ATP1A4: variants seen among roughly 807,000 people sequenced by gnomAD.
The protein encoded by ATP1A4 is sodium/potassium-transporting ATPase subunit alpha-4.
ATP1A4 carries 90 observed loss-of-function variants against 114.3 expected under a neutral mutation model. The ratio of observed to expected loss-of-function variants is 0.79; its 90% CI spans 0.66 to 0.94. The LOEUF (loss-of-function observed/expected upper bound fraction) is 0.94. ATP1A4 is among the 40% of genes least tolerant of loss of function. The pLI, the probability that ATP1A4 is intolerant of heterozygous loss-of-function variation, is 0.00. For synonymous variants in ATP1A4, 511 were observed against 494.1 expected (o/e 1.03, Z -0.45); for missense variants, 1,222 against 1,313.6 (o/e 0.93, Z 1.08).
intron 20 of ATP1A4, among the ~76,000 whole-genome samples, chr1:160,185,670 C>G (rs1317766251): frequency 6.6e-6 from 1 of 151,754 alleles, no homozygotes; most frequent in African/African-American, 2.4e-5. Flanking sequence ...CTTATAATCC[C>G]AGCACTCTGG....
At chr1:160,177,944 C>T (rs1653540326) in intron 18 of ATP1A4, among the ~76,000 whole-genome samples, 1 of 152,214 alleles carries the variant, frequency 6.6e-6, no homozygotes, top group Non-Finnish European at 1.5e-5. Flanking sequence ...GAGTCTTTGT[C>T]ATATCAACTT....
At chr1:160,178,853 G>A (rs1030776028) in intron 18 of ATP1A4, among the ~76,000 whole-genome samples, 3 of 152,172 alleles carry the variant, frequency 2.0e-5, no homozygotes, top group Non-Finnish European at 4.4e-5. Flanking sequence ...ATTTTAGTAG[G>A]TATGCTTTTT....
rs760916457 is a variant in ATP1A4 at position 160,164,234 on chromosome 1, C to T, written c.857C>T (p.Ala286Val). 6.2e-6 allele frequency: 10 copies of T among 1,614,090 alleles called. No individual in the cohort carries two copies. The highest frequency in any genetic ancestry group is 5.3e-5 in the African/African-American group (4 of 74,930). Residue 286 changes from alanine to valine, a missense_variant, in exon 7 of 22, where the codon GCG becomes GTG. Coordinates refer to ENST00000368081, the MANE Select transcript of ATP1A4 (RefSeq NM_144699.4). ...ATTGCCTCCCTGACGTCAGGCCTGG[C>T]GGTTGGCCAGACACCTATCGCTGCT... The part of the protein sequence containing the change: ...GRIASLTSGL[A>V]VGQTPIAAEI...
At chr1:160,184,190 A>G (rs61803840) in intron 20 of ATP1A4, among the ~76,000 whole-genome samples, 39,895 of 151,844 alleles carry the variant, frequency 0.26, 5,671 homozygotes, top group South Asian at 0.35. Context: ...TGACCTTGTG[A>G]TCCGCCTGCC....
rs1230199067 is a variant in ATP1A4, at chr1:160,171,887, G to A, written c.1854+130G>A. The A allele has an allele frequency of 6.5e-6, 6 of 921,970 alleles. No homozygotes were observed. The Admixed American group carries it at 1.9e-4, about 28-fold the overall frequency. 57.1% of individuals were successfully genotyped at this position (921,970 alleles called of 1,614,324 possible). ...CGGATTTCTGTTTCCTTGGGCTTAT[G>A]ATTTTTAATTAATAGTAAGTTTCCT... On this transcript the variant is annotated intron_variant, in intron 12 of 21. Transcript: ENST00000368081.
chr1:160,168,377 CTTTT>C lies in ATP1A4; in HGVS notation c.1491+984_1491+987del, dbSNP rs11397218. Reference sequence around the variant, plus strand: ...ATGAGACTCCCAAGTCTGCTGGTATCTTTTTTTTTTTTTTTTTTTTTTGAGAAGG... The same window carrying C: ...ATGAGACTCCCAAGTCTGCTGGTATCTTTTTTTTTTTTTTTTTTGAGAAGG... On this transcript the variant is annotated intron_variant, in intron 10 of 21. Transcript: ENST00000368081. Among the ~76,000 whole-genome samples, 40 of 97,056 alleles carry C rather than the reference CTTTT, an allele frequency of 4.1e-4. 1 individual carries two copies. The highest frequency in any genetic ancestry group is 1.6e-3 in the African/African-American group (39 of 25,110). 63.7% of individuals were successfully genotyped at this position (97,056 alleles called of 152,430 possible). A position where few individuals can be genotyped will look rare whatever the true frequency, so the allele number is the denominator to read the frequency against.
chr1:160,162,367 G>A (rs1170087376), intron 6 of ATP1A4, among the ~76,000 whole-genome samples: 1 of 152,282 alleles, frequency 6.6e-6, no homozygotes, highest in East Asian at 1.9e-4. Flanking sequence ...AGCCAAACAT[G>A]ATGTCCAAGC....
At chr1:160,175,331 C>T (rs182924223) in intron 15 of ATP1A4, among the ~76,000 whole-genome samples, 95 of 152,224 alleles carry the variant, frequency 6.2e-4, no homozygotes, top group Non-Finnish European at 1.3e-3. Flanking sequence ...TATGGCAATC[C>T]ACATCATAAT....
chr1:160,178,889 A>G (rs1175222760), intron 18 of ATP1A4, among the ~76,000 whole-genome samples: 2 of 152,194 alleles, frequency 1.3e-5, no homozygotes, highest in African/African-American at 4.8e-5. Flanking sequence ...TCCTGTCCCA[A>G]TTTCTAAGAC....
chr1:160,176,838 C>T (rs1246561774), intron 17 of ATP1A4, among the ~76,000 whole-genome samples: 1 of 152,144 alleles, frequency 6.6e-6, no homozygotes, highest in East Asian at 1.9e-4. Flanking sequence ...TGAGTATAGA[C>T]AGAACATACT....
In ATP1A4 at chr1:160,174,253, CAG is replaced by C. The variant is rs1653370138; in HGVS notation, c.2137_2138del (p.Arg713AlafsTer10). The part of the protein sequence containing the change: ...QQKLIIVEGC[Q>X]RLGAVVAVTG... Reference sequence around the variant, plus strand: ...GAAGCTCATCATTGTCGAGGGATGTCAGAGGCTGGTAAGGAACGAAAAGGAGC... The same window carrying C: ...GAAGCTCATCATTGTCGAGGGATGTCAGGCTGGTAAGGAACGAAAAGGAGC... On this transcript the variant is annotated frameshift_variant, in exon 14 of 22. Coordinates refer to ENST00000368081, the MANE Select transcript of ATP1A4 (RefSeq NM_144699.4). LOFTEE classifies it high-confidence loss of function. The C allele has an allele frequency of 4.3e-6, 7 of 1,613,954 alleles. No individual in the cohort carries two copies. Among genetic ancestry groups the C allele is most frequent in the African/African-American group, 1.3e-5 (1 of 74,882 alleles).
chr1:160,172,501 T>A (rs1653300974), intron 12 of ATP1A4, among the ~76,000 whole-genome samples: 2 of 149,748 alleles, frequency 1.3e-5, no homozygotes, highest in Non-Finnish European at 3.0e-5. Flanking sequence ...TAGAAAATCC[T>A]CTTTGGTCAG....
At chr1:160,180,872 G>A (rs933974983) in intron 18 of ATP1A4, among the ~76,000 whole-genome samples, 2 of 151,734 alleles carry the variant, frequency 1.3e-5, no homozygotes, top group Non-Finnish European at 2.9e-5. Context: ...CCGCCACCAC[G>A]CCCGGCTAAT....
intron 13 of ATP1A4, 115 bp from the exon 14 acceptor site, chr1:160,173,996 A>G (rs1435044334): frequency 7.6e-7 from 1 of 1,317,488 alleles, no homozygotes; most frequent in African/African-American, 1.5e-5. Context: ...GCTAGGGACA[A>G]GTGAGGAGAC....
Position 160,186,259 on chromosome 1 carries a change from G to A in ATP1A4, c.2970-17G>A, listed in dbSNP as rs1021892710. 6.4e-6 allele frequency: 10 copies of A among 1,571,304 alleles called. No homozygotes were observed. The highest frequency in any genetic ancestry group is 1.7e-5 in the Admixed American group (1 of 59,930). The stretch of plus-strand genomic sequence containing the variant: ...TCTCTCTCTCCTGCCATGCTGACTG[G>A]CTCTTGCTCTCTACAGGATAACCTG... On this transcript the variant is annotated splice_polypyrimidine_tract_variant and intron_variant, in intron 20 of 21. Transcript: ENST00000368081.
chr1:160,167,625 G>A (rs1164106102), intron 10 of ATP1A4, among the ~76,000 whole-genome samples: 1 of 152,200 alleles, frequency 6.6e-6, no homozygotes, highest in Non-Finnish European at 1.5e-5. Context: ...GCATCAGTCA[G>A]TCCTATGCAG....
chr1:160,161,313 G>A (rs767320755), intron 6 of ATP1A4, among the ~76,000 whole-genome samples: 1 of 152,116 alleles, frequency 6.6e-6, no homozygotes, highest in Non-Finnish European at 1.5e-5. Flanking sequence ...TCTCATCACC[G>A]TAGACCTTGA....
At chr1:160,157,926 T>C (rs1005448085) in intron 4 of ATP1A4, among the ~76,000 whole-genome samples, 1 of 152,214 alleles carries the variant, frequency 6.6e-6, no homozygotes. Context: ...GGCACGGGAC[T>C]GGAAACTTGC....
chr1:160,174,359 A>G, intron 14 of ATP1A4, 98 bp downstream of exon 14: 1 of 1,522,458 alleles, frequency 6.6e-7, no homozygotes, highest in Non-Finnish European at 8.9e-7. Flanking sequence ...GGGCTAGAGG[A>G]GACTCCAGAG....
Sources: allele counts gnomAD v4.1 joint callset (sites outside exome capture counted in the v4.1 genomes callset), GRCh38; gene constraint gnomAD v4.1.1; transcripts MANE v1.5; gene names NCBI Gene and HGNC (gene_info 2026-07-23, HGNC 2026-07-21).